SAFB: variants seen among roughly 807,000 people sequenced by gnomAD.
SAFB encodes the protein scaffold attachment factor B.
A neutral mutation model predicts 101.6 loss-of-function variants in SAFB; 15 were observed. That is an observed-to-expected ratio of 0.15 (90% confidence interval 0.10 to 0.23). The LOEUF is 0.23. SAFB is among the 10% of genes least tolerant of loss of function. The pLI, the probability that SAFB is intolerant of heterozygous loss-of-function variation, is 1.00. For synonymous variants in SAFB, 449 were observed against 407.5 expected (o/e 1.10, Z -1.23); for missense variants, 930 against 1,104.1 (o/e 0.84, Z 2.23).
chr19:5,662,048 C>G (rs2054222193), intron 15 of SAFB, among the ~76,000 whole-genome samples: 1 of 152,116 alleles, frequency 6.6e-6, no homozygotes, highest in African/African-American at 2.4e-5. Context: ...CCTCTCCCGG[C>G]TAATTTTTTT....
chr19:5,641,058 C>T (rs923972713), intron 2 of SAFB, among the ~76,000 whole-genome samples: 1 of 151,888 alleles, frequency 6.6e-6, no homozygotes, highest in East Asian at 1.9e-4. Context: ...TTAGTAGAGA[C>T]GGGGTTTCAC....
chr19:5,649,979 G>A lies in SAFB; in HGVS notation c.1198+4G>A, dbSNP rs1416731499. ...AGGCTTTCCAAAGAGGAAAAGGGTA[G>A]GTCACCTCGGCGACACCAGTCCCTT... On this transcript the variant is annotated splice_donor_region_variant and intron_variant, in intron 8 of 20. Transcript: ENST00000588852. The A allele has an allele frequency of 6.2e-7, 1 of 1,612,582 alleles. No individual in the cohort carries two copies. Among genetic ancestry groups the A allele is most frequent in the Non-Finnish European group, 8.5e-7 (1 of 1,178,756 alleles).
rs182043203 is a variant in SAFB at position 5,632,376 on chromosome 19, G to T, written c.274+5887G>T. On this transcript the variant is annotated intron_variant, in intron 2 of 20. Transcript: ENST00000588852. ...TATGTATGTTTTTACTAGACCGCATGGTAAGTTGCAAGGCGCATATGCCCC... is the reference window on the plus strand; with the variant it reads ...TATGTATGTTTTTACTAGACCGCATTGTAAGTTGCAAGGCGCATATGCCCC... Among the ~76,000 whole-genome samples the T allele has an allele frequency of 3.3e-3, 504 of 152,254 alleles. 3 individuals carry two copies. The highest frequency in any genetic ancestry group is 0.012 in the African/African-American group (479 of 41,532).
chr19:5,654,819 G>A (rs773660877), intron 13 of SAFB, among the ~76,000 whole-genome samples: 19 of 152,140 alleles, frequency 1.2e-4, no homozygotes, highest in Non-Finnish European at 1.8e-4. Context: ...CGCCCGCCTC[G>A]GCCTCCCAAA....
intron 4 of SAFB, among the ~76,000 whole-genome samples, chr19:5,643,745 C>T (rs1457558741): frequency 6.6e-6 from 1 of 152,062 alleles, no homozygotes; most frequent in Non-Finnish European, 1.5e-5. Flanking sequence ...CACCTGTAAT[C>T]CCAGCTACTC....
At chr19:5,664,524 C>T in intron 17 of SAFB, 85 bp downstream of exon 17, 2 of 1,052,912 alleles carry the variant, frequency 1.9e-6, no homozygotes, top group Non-Finnish European at 1.5e-6. Flanking sequence ...CCTGCCCTTT[C>T]TTTGAGCAAG....
rs1355249905 is a variant in SAFB, at chr19:5,667,938, A to G, written c.2624+52A>G. 3.3e-6 allele frequency: 5 copies of G among 1,528,772 alleles called. No homozygotes were observed. The highest frequency in any genetic ancestry group is 1.2e-5 in the South Asian group (1 of 80,240). The allele number at this position is 1,528,772 out of a possible 1,614,324, so 94.7% of individuals were successfully genotyped here. On this transcript the variant is annotated intron_variant, in intron 20 of 20. Transcript: ENST00000588852. This position sits in a 1 kb window ranked among gnomAD's most constrained non-coding sequence, Gnocchi z 4.0. ...TTCCCCCTGCTTTGCATATTGGCCT[A>G]CCTTGCTGGAGGCTTAACAACCAAG...
At chr19:5,638,998 A>T (rs2053650637) in intron 2 of SAFB, among the ~76,000 whole-genome samples, 1 of 152,180 alleles carries the variant, frequency 6.6e-6, no homozygotes, top group African/African-American at 2.4e-5. Flanking sequence ...AAGTGGTGGG[A>T]TTATAGGCAT....
intron 4 of SAFB, 181 bp downstream of exon 4, chr19:5,642,127 C>T (rs1274142929): frequency 2.9e-6 from 2 of 682,648 alleles, no homozygotes; most frequent in Non-Finnish European, 2.7e-6. Flanking sequence ...TGTCTTATAA[C>T]ATTTCATATG....
At chr19:5,641,693 A>G (rs776755838) in intron 3 of SAFB, 35 bp downstream of exon 3, 8 of 1,613,134 alleles carry the variant, frequency 5.0e-6, no homozygotes, top group Non-Finnish European at 6.8e-6. Flanking sequence ...AGCGTGGTGG[A>G]TGGACCAGTG....
chr19:5,656,002 T>C (rs2054050678), intron 13 of SAFB, among the ~76,000 whole-genome samples: 1 of 152,204 alleles, frequency 6.6e-6, no homozygotes, highest in African/African-American at 2.4e-5. Context: ...TCGGGGGCAA[T>C]ACTCATTTCC....
intron 8 of SAFB, 75 bp downstream of exon 8, chr19:5,650,050 A>G: frequency 1.8e-6 from 2 of 1,134,900 alleles, no homozygotes; most frequent in Non-Finnish European, 2.7e-6. Context: ...ATTCTGGTTC[A>G]TCGCGTGCTA....
rs919808532 is a variant in SAFB at position 5,667,251 on chromosome 19, A to C, written c.2453+87A>C. The stretch of plus-strand genomic sequence containing the variant: ...CGCTGGGATGTGGGCACAGGGTGGG[A>C]AACACAGAGGGATTCACTCTCCAGA... On this transcript the variant is annotated intron_variant, in intron 18 of 20. Transcript: ENST00000588852. The surrounding 1 kb of genome is among the most constrained non-coding windows in gnomAD (Gnocchi z 4.0). The C allele has an allele frequency of 2.4e-6, 3 of 1,240,686 alleles. No individual in the cohort carries two copies. In the African/African-American group the frequency reaches 4.6e-5, roughly 19 times the overall value. 76.9% of individuals were successfully genotyped at this position (1,240,686 alleles called of 1,614,324 possible).
chr19:5,653,356 G>A lies in SAFB; in HGVS notation c.1462G>A (p.Gly488Arg). ...TTTTCAGGCCAAAAATGAACCTGTG[G>A]GAAAGAAAACCTCTGACAAAAGAGA... is the stretch of plus-strand genomic sequence containing the variant. ...SVEKAKNEPV[G>R]KKTSDKRDSD... Residue 488 changes from glycine to arginine, a missense_variant, in exon 11 of 21, where the codon GGA (glycine) becomes AGA (arginine). Transcript: ENST00000588852. 1 of 1,614,156 alleles carries A rather than the reference G, an allele frequency of 6.2e-7. No homozygotes were observed. The highest frequency in any genetic ancestry group is 8.5e-7 in the Non-Finnish European group (1 of 1,180,030).
At chr19:5,645,550 C>T (rs1469368175) in intron 5 of SAFB, 151 bp downstream of exon 5, 10 of 535,978 alleles carry the variant, frequency 1.9e-5, no homozygotes, top group Admixed American at 3.7e-5. Context: ...TTGCTTTCTG[C>T]TTTCCTCCAA....
In SAFB at chr19:5,666,795, T is replaced by C. The variant is rs2054335965; in HGVS notation, c.2335-251T>C. ...CTGGTGGCCCTCCCAGCTCTGGTGG[T>C]GCTGTGGGGACCTGCCTTGGAGATG... On this transcript the variant is annotated intron_variant, in intron 17 of 20. Coordinates refer to ENST00000588852, the MANE Select transcript of SAFB (RefSeq NM_001201338.2). 1.5e-5 allele frequency: 8 copies of C among 548,022 alleles called. No homozygotes were observed. The South Asian group carries it at 1.6e-4, about 11-fold the overall frequency. 33.9% of individuals were successfully genotyped at this position (548,022 alleles called of 1,614,324 possible).
intron 2 of SAFB, among the ~76,000 whole-genome samples, chr19:5,635,457 G>A (rs1279706451): frequency 2.0e-5 from 3 of 152,108 alleles, no homozygotes; most frequent in African/African-American, 2.4e-5. Context: ...ACCAAGCTGG[G>A]AACGTTGGTA....
rs372513876 is a variant in SAFB, at chr19:5,664,358, C to T, written c.2292-39C>T. 2.6e-5 allele frequency: 42 copies of T among 1,587,122 alleles called. No individual in the cohort carries two copies. The African/African-American group carries it at 4.2e-4, about 16-fold the overall frequency. On this transcript the variant is annotated intron_variant, in intron 16 of 20. Coordinates refer to ENST00000588852, the MANE Select transcript of SAFB (RefSeq NM_001201338.2). The stretch of plus-strand genomic sequence containing the variant: ...TGGTCCTCTCTTTGTGAACAAGCCT[C>T]TTCTTCCCCTTACGGTTTGATTTAA...
intron 2 of SAFB, among the ~76,000 whole-genome samples, chr19:5,632,093 T>C (rs2053502282): frequency 1.3e-5 from 2 of 152,302 alleles, no homozygotes; most frequent in South Asian, 4.2e-4. Flanking sequence ...ATTTGTAGTG[T>C]CATCACAAAG....
Sources: gnomAD v4.1 joint callset for allele counts (sites outside exome capture counted in the v4.1 genomes callset) on GRCh38, gnomAD v4.1.1 for gene constraint, Gnocchi (gnomAD v3.1) non-coding constraint, MANE v1.5 for transcripts, NCBI Gene and HGNC (gene_info 2026-07-23, HGNC 2026-07-21) for gene names.